The following LY96 variants were observed in gnomAD, a reference collection of about 807,000 sequenced individuals.
LY96 encodes lymphocyte antigen 96, also known as myeloid differentiation protein-2.
LY96 carries 18 observed loss-of-function variants against 18.9 expected under a neutral mutation model. The observed-to-expected ratio is 0.95, with a 90% CI of 0.66 to 1.41. The LOEUF (loss-of-function observed/expected upper bound fraction) is 1.41, where lower values mean the gene tolerates loss of function less well. Among genes scored for constraint, LY96 ranks in the 40% most tolerant of loss-of-function variants. The pLI, the probability that LY96 is intolerant of heterozygous loss-of-function variation, is 0.00. For synonymous variants in LY96, 66 were observed against 62.6 expected (o/e 1.06, Z -0.26); for missense variants, 175 against 182.4 (o/e 0.96, Z 0.23).
the LY96 span, among the ~76,000 whole-genome samples, chr8:74,091,280 G>A: frequency 6.6e-6 from 1 of 152,172 alleles, no homozygotes; most frequent in Non-Finnish European, 1.5e-5. Context: ...TCTCGAAGTG[G>A]CACCACCTCT....
intron 1 of LY96, 58 bp from the exon 2 acceptor site, chr8:74,004,738 C>A: frequency 1.4e-6 from 2 of 1,436,220 alleles, no homozygotes; most frequent in Non-Finnish European, 1.9e-6. Context: ...ATTCAGAATA[C>A]TATACTTAAT....
the LY96 span, among the ~76,000 whole-genome samples, chr8:74,072,939 G>C: frequency 6.6e-6 from 1 of 152,118 alleles, no homozygotes; most frequent in African/African-American, 2.4e-5. Flanking sequence ...ATAAGGATTT[G>C]GGTTTTTGCA....
chr8:74,067,186 C>G, the LY96 span, among the ~76,000 whole-genome samples: 2 of 152,174 alleles, frequency 1.3e-5, no homozygotes, highest in Non-Finnish European at 2.9e-5. Flanking sequence ...ACAGCCCTCC[C>G]TTCTTAACTT....
At chr8:74,075,707 T>C in the LY96 span, among the ~76,000 whole-genome samples, 1 of 152,258 alleles carries the variant, frequency 6.6e-6, no homozygotes, top group East Asian at 1.9e-4. Flanking sequence ...TAATTAGTAA[T>C]TCCTATTAGT....
intron 3 of LY96, among the ~76,000 whole-genome samples, chr8:74,021,432 A>G (rs1816757860): frequency 6.6e-6 from 1 of 152,268 alleles, no homozygotes; most frequent in Admixed American, 6.5e-5. Context: ...TAGGTGCTGC[A>G]GAGGATGTGG....
At position 74,022,005 on chromosome 8, in the gene LY96, G is replaced by A. The variant is rs1391091693; in HGVS notation, c.332-4784G>A. ...TTAATTGGTGCAGCAAACCAACATG[G>A]CACATGTATACATATGTAAGAAATC... On this transcript the variant is annotated intron_variant, in intron 3 of 4. Coordinates refer to ENST00000284818, the MANE Select transcript of LY96 (RefSeq NM_015364.5). Among the ~76,000 whole-genome samples the A allele has an allele frequency of 2.0e-5, 3 of 151,914 alleles. No homozygotes were observed. The East Asian group carries it at 5.8e-4, about 29-fold the overall frequency.
chr8:74,066,496 G>C, the LY96 span, among the ~76,000 whole-genome samples: 1 of 152,142 alleles, frequency 6.6e-6, no homozygotes, highest in Non-Finnish European at 1.5e-5. Flanking sequence ...TACGGTGGTA[G>C]GATAACGTGG....
At chr8:74,092,806 A>G in the LY96 span, among the ~76,000 whole-genome samples, 1 of 152,036 alleles carries the variant, frequency 6.6e-6, no homozygotes, top group Non-Finnish European at 1.5e-5. Flanking sequence ...AGGTCCCTGA[A>G]TCCTGTTCAT....
chr8:74,081,038 C>CTT, the LY96 span, among the ~76,000 whole-genome samples: 7 of 110,728 alleles, frequency 6.3e-5, no homozygotes, highest in Admixed American at 8.8e-5. Context: ...TTCTTTCTTT[C>CTT]TTTCTTTCTT....
At chr8:73,992,628 T>G (rs1341005394) in intron 1 of LY96, among the ~76,000 whole-genome samples, 3 of 152,162 alleles carry the variant, frequency 2.0e-5, no homozygotes, top group Non-Finnish European at 4.4e-5. Context: ...TTGCCACATG[T>G]GAGGAGGAGA....
the LY96 span, among the ~76,000 whole-genome samples, chr8:74,046,361 A>C: frequency 1.3e-5 from 2 of 152,186 alleles, no homozygotes; most frequent in Non-Finnish European, 1.5e-5. Flanking sequence ...ACAACTTCGC[A>C]GTCAACATTT....
chr8:74,057,606 C>A, the LY96 span, among the ~76,000 whole-genome samples: 21 of 152,232 alleles, frequency 1.4e-4, no homozygotes, highest in African/African-American at 4.6e-4. Flanking sequence ...TGGAATAGGC[C>A]CAATTTCACT....
At chr8:74,029,204 C>G, downstream of LY96, 1 of 587,306 alleles carries the variant, frequency 1.7e-6, no homozygotes, top group Non-Finnish European at 3.0e-6. Context: ...CTCTAGGAAA[C>G]GGAGGCATGG....
the LY96 span, among the ~76,000 whole-genome samples, chr8:74,065,201 G>T: frequency 1.3e-5 from 2 of 152,188 alleles, no homozygotes; most frequent in Admixed American, 1.3e-4. Context: ...CCAATGTAAT[G>T]ATTTATATCT....
chr8:74,093,966 A>G, the LY96 span, among the ~76,000 whole-genome samples: 2 of 152,190 alleles, frequency 1.3e-5, no homozygotes, highest in Admixed American at 1.3e-4. Flanking sequence ...TCTCTTTCAT[A>G]GGCTACTTCT....
chr8:74,088,214 A>G, the LY96 span, among the ~76,000 whole-genome samples: 1 of 152,200 alleles, frequency 6.6e-6, no homozygotes, highest in Non-Finnish European at 1.5e-5. Context: ...CTCAGGACTC[A>G]TGAATGTTTT....
the LY96 span, among the ~76,000 whole-genome samples, chr8:74,039,424 G>A: frequency 5.3e-5 from 8 of 151,998 alleles, no homozygotes; most frequent in Admixed American, 2.0e-4. Context: ...CCCCGTGTGC[G>A]GACATGAGAG....
At chr8:74,098,578 C>T in the LY96 span, among the ~76,000 whole-genome samples, 2 of 152,138 alleles carry the variant, frequency 1.3e-5, no homozygotes, top group Non-Finnish European at 1.5e-5. Context: ...CCATGTTGGC[C>T]AGGCTGATCT....
At chr8:73,995,559 A>G (rs1344251348) in intron 1 of LY96, among the ~76,000 whole-genome samples, 1 of 152,206 alleles carries the variant, frequency 6.6e-6, no homozygotes, top group East Asian at 1.9e-4. Flanking sequence ...GACGAGAGGA[A>G]TGAGGACACA....
Sources: gnomAD v4.1 joint callset for allele counts (sites outside exome capture counted in the v4.1 genomes callset) on GRCh38, gnomAD v4.1.1 for gene constraint, MANE v1.5 for transcripts, NCBI Gene and HGNC (gene_info 2026-07-23, HGNC 2026-07-21) for gene names.